The following ASXL2 variants were observed in gnomAD, a reference collection of about 807,000 sequenced individuals.
The protein encoded by ASXL2 is putative Polycomb group protein ASXL2.
ASXL2 carries 23 observed loss-of-function variants against 122.0 expected under a neutral mutation model. The observed-to-expected ratio is 0.19, with a 90% CI of 0.14 to 0.27. ASXL2 has a LOEUF of 0.27. ASXL2 is among the 10% of genes least tolerant of loss of function. ASXL2 has a pLI of 1.00. For synonymous variants in ASXL2, 650 were observed against 637.0 expected, an observed-to-expected ratio of 1.02 and a Z score of -0.31; for missense variants, 1,518 against 1,713.8, an observed-to-expected ratio of 0.89 and a Z score of 2.02.
At chr2:25,758,888 C>T (rs1036893691) in intron 9 of ASXL2, among the ~76,000 whole-genome samples, 1 of 152,070 alleles carries the variant, frequency 6.6e-6, no homozygotes, top group African/African-American at 2.4e-5. Flanking sequence ...ACATTTCCCA[C>T]TCCACTGAAG....
chr2:25,742,877 T>G lies in ASXL2; in HGVS notation c.3460A>C (p.Ser1154Arg). The change falls in exon 13 of 13, where the codon AGC becomes CGC. Residue 1154 changes from serine to arginine, a missense_variant. Ser to Arg is a moderately radical substitution (Grantham distance 110). Around this residue, in one of 8 missense-constraint regions of ASXL2, gnomAD observed 831 missense variants for 833.1 expected, o/e 1.00. Coordinates refer to ENST00000435504, the MANE Select transcript of ASXL2 (RefSeq NM_018263.6). ...VNPEDRFCLS[S>R]PTEALKMGYT... The stretch of plus-strand genomic sequence containing the variant: ...CCCATTTTCAAGGCTTCAGTGGGGC[T>G]GCTTAGACAAAAACGATCTTCAGGG... 2 of 1,614,052 alleles carry G rather than the reference T, an allele frequency of 1.2e-6. No individual in the cohort carries two copies. The highest frequency in any genetic ancestry group is 1.7e-6 in the Non-Finnish European group (2 of 1,179,898).
chr2:25,866,182 G>T (rs1343622152), intron 1 of ASXL2, among the ~76,000 whole-genome samples: 5 of 150,186 alleles, frequency 3.3e-5, no homozygotes, highest in Non-Finnish European at 5.9e-5. Flanking sequence ...CAAGGCTGGA[G>T]TGCAGTGGCG....
intron 3 of ASXL2, among the ~76,000 whole-genome samples, chr2:25,809,502 A>G (rs2089135228): frequency 6.6e-6 from 1 of 152,172 alleles, no homozygotes; most frequent in Non-Finnish European, 1.5e-5. Flanking sequence ...AGGCAGGCCT[A>G]TACCTTTTCC....
At chr2:25,851,814 C>T (rs996908782) in intron 1 of ASXL2, among the ~76,000 whole-genome samples, 1 of 152,122 alleles carries the variant, frequency 6.6e-6, no homozygotes, top group African/African-American at 2.4e-5. Context: ...CCGCTTGAGC[C>T]TGGGAGGTGG....
At chr2:25,761,458 A>C (rs1017920635) in intron 8 of ASXL2, among the ~76,000 whole-genome samples, 4 of 152,094 alleles carry the variant, frequency 2.6e-5, no homozygotes, top group Non-Finnish European at 5.9e-5. Context: ...GCAGATCACA[A>C]GGTCAGGAGA....
At chr2:25,828,355 A>T (rs1435076900) in intron 3 of ASXL2, among the ~76,000 whole-genome samples, 3 of 151,692 alleles carry the variant, frequency 2.0e-5, no homozygotes, top group Non-Finnish European at 4.4e-5. Context: ...AAATACAAAA[A>T]ATTAGCCAGG....
Position 25,878,316 on chromosome 2 carries a change from G to C in ASXL2, c.-94C>G. ...CTGCGCTGCTTTTCCCGCGGTGCCGGGAAAGGTGGGAGAAAAGGGAAGTCA... is the reference window on the plus strand; with the variant it reads ...CTGCGCTGCTTTTCCCGCGGTGCCGCGAAAGGTGGGAGAAAAGGGAAGTCA... On this transcript the variant is annotated 5_prime_UTR_variant, in exon 1 of 13. Coordinates refer to ENST00000435504, the MANE Select transcript of ASXL2 (RefSeq NM_018263.6). 1 of 1,376,420 alleles carries C rather than the reference G, an allele frequency of 7.3e-7. No homozygotes were observed. The highest frequency in any genetic ancestry group is 1.2e-5 in the South Asian group (1 of 84,200). 85.3% of individuals were successfully genotyped at this position (1,376,420 alleles called of 1,614,324 possible).
chr2:25,808,489 A>C (rs972068582), intron 3 of ASXL2, among the ~76,000 whole-genome samples: 2 of 151,870 alleles, frequency 1.3e-5, no homozygotes. Context: ...CTGCCACCAC[A>C]CCCTGGTAAT....
At chr2:25,846,058 T>C (rs907870098) in intron 1 of ASXL2, among the ~76,000 whole-genome samples, 7 of 152,190 alleles carry the variant, frequency 4.6e-5, no homozygotes, top group African/African-American at 1.7e-4. Flanking sequence ...GTGAGTTTCC[T>C]GATTTTGTTT....
chr2:25,743,368 A>G lies in ASXL2; in HGVS notation c.2969T>C (p.Met990Thr). Residue 990 changes from methionine (M) to threonine (T), a missense_variant, in exon 13 of 13, where the codon ATG becomes ACG. Physicochemically the swap from Met to Thr is moderately conservative, Grantham distance 81. Coordinates refer to ENST00000435504, the MANE Select transcript of ASXL2 (RefSeq NM_018263.6). ...TGTGTTGGTAGCTATGAGCGCTCCC[A>G]TCCCCCTTTCCTCTTTTGCAGTCAG... ...VPLTAKEERG[M>T]GALIATNTTE... is the part of the protein sequence containing the mutation. 1 of 1,613,896 alleles carries G rather than the reference A, an allele frequency of 6.2e-7. No homozygotes were observed. Among genetic ancestry groups the G allele is most frequent in the Non-Finnish European group, 8.5e-7 (1 of 1,179,898 alleles).
At position 25,749,979 on chromosome 2, in the gene ASXL2, C is replaced by T. The variant is rs1185846219; in HGVS notation, c.1577G>A (p.Ser526Asn). The T allele has an allele frequency of 1.2e-6, 2 of 1,613,972 alleles. No individual in the cohort carries two copies. Among genetic ancestry groups the T allele is most frequent in the Non-Finnish European group, 1.7e-6 (2 of 1,179,878 alleles). Residue 526 changes from serine to asparagine, a missense_variant, in exon 12 of 13, where the codon AGC becomes AAC. Coordinates refer to ENST00000435504, the MANE Select transcript of ASXL2 (RefSeq NM_018263.6). ...TTCAACCCCAGGACTCTTGGGTTTG[C>T]TTGGCGATGTAACTAAAGATTCTTG... Reference protein sequence around the residue: ...ESQESLVTSPSKPKSPGVEKP... With the variant: ...ESQESLVTSPNKPKSPGVEKP...
chr2:25,865,422 ACT>A (rs935217962), intron 1 of ASXL2, among the ~76,000 whole-genome samples: 3 of 151,188 alleles, frequency 2.0e-5, no homozygotes, highest in Non-Finnish European at 2.9e-5. Flanking sequence ...ACAGAGCGAG[ACT>A]CTGTCTCAGA....
Position 25,743,641 on chromosome 2 carries a change from A to G in ASXL2, c.2696T>C (p.Leu899Pro). The change falls in exon 13 of 13, where the codon CTT becomes CCT. Residue 899 changes from leucine (L) to proline (P), a missense_variant. Physicochemically the swap from Leu to Pro is moderately conservative, Grantham distance 98 (BLOSUM62 -3). Around this residue, in one of 8 missense-constraint regions of ASXL2, gnomAD observed 831 missense variants for 833.1 expected, o/e 1.00. Coordinates refer to ENST00000435504, the MANE Select transcript of ASXL2 (RefSeq NM_018263.6). ...AGTTGCACTGACCTGGGGTACAGGA[A>G]GCTTTTCTAAAGTGGCTGTGGTCAA... ...SLLTTATLEK[L>P]PVPQVSATTA... 6.2e-7 allele frequency: 1 copy of G among 1,614,006 alleles called. No individual in the cohort carries two copies. The highest frequency in any genetic ancestry group is 1.3e-5 in the African/African-American group (1 of 75,034).
At chr2:25,848,341 G>A (rs879679420) in intron 1 of ASXL2, among the ~76,000 whole-genome samples, 10 of 151,966 alleles carry the variant, frequency 6.6e-5, no homozygotes, top group East Asian at 3.9e-4. Context: ...AGTGGAGACC[G>A]GCTGGGCGCG....
intron 10 of ASXL2, among the ~76,000 whole-genome samples, chr2:25,755,447 G>A (rs1397045451): frequency 2.6e-5 from 4 of 152,188 alleles, no homozygotes; most frequent in Admixed American, 2.6e-4. Flanking sequence ...ATCACAGTCA[G>A]TAATTCTTGG....
chr2:25,844,200 C>A (rs1325110746), intron 2 of ASXL2, among the ~76,000 whole-genome samples: 1 of 152,164 alleles, frequency 6.6e-6, no homozygotes, highest in Non-Finnish European at 1.5e-5. Context: ...GAAAATCTAA[C>A]ATAGACTCCC....
At chr2:25,851,882 C>T (rs1273909380) in intron 1 of ASXL2, among the ~76,000 whole-genome samples, 1 of 152,024 alleles carries the variant, frequency 6.6e-6, no homozygotes, top group Non-Finnish European at 1.5e-5. Context: ...CACAATGAGA[C>T]TCTGCCTCCC....
At chr2:25,776,694 T>C (rs2088552147) in intron 5 of ASXL2, among the ~76,000 whole-genome samples, 1 of 152,236 alleles carries the variant, frequency 6.6e-6, no homozygotes, top group Non-Finnish European at 1.5e-5. Flanking sequence ...GCCAATGTTT[T>C]TAAAGAGACA....
intron 1 of ASXL2, among the ~76,000 whole-genome samples, chr2:25,860,881 G>A (rs1036622175): frequency 4.6e-5 from 7 of 151,426 alleles, no homozygotes; most frequent in African/African-American, 9.7e-5. Flanking sequence ...GCATGGTGGT[G>A]CATGCTTGTA....
Sources: allele counts gnomAD v4.1 joint callset (sites outside exome capture counted in the v4.1 genomes callset), GRCh38; gene constraint gnomAD v4.1.1; regional missense constraint gnomAD v4.1.1; transcripts MANE v1.5; gene names NCBI Gene and HGNC (gene_info 2026-07-23, HGNC 2026-07-21).